The following CINP variants were observed in gnomAD, a reference collection of about 807,000 sequenced individuals.
CINP encodes cyclin-dependent kinase 2-interacting protein.
Under a neutral mutation model 20.5 loss-of-function variants are expected in CINP, and 11 were observed. The ratio of observed to expected loss-of-function variants is 0.54; its 90% CI spans 0.34 to 0.89. The LOEUF (loss-of-function observed/expected upper bound fraction) is 0.89, where lower values mean the gene tolerates loss of function less well. CINP is among the 40% of genes least tolerant of loss of function. The pLI is 0.02. For missense variants in CINP, 213 were observed against 251.0 expected, an observed-to-expected ratio of 0.85 and a Z score of 1.02; for synonymous variants, 108 against 102.1, an observed-to-expected ratio of 1.06 and a Z score of -0.35.
chr14:102,349,268 T>A (rs1597745773), intron 4 of CINP, among the ~76,000 whole-genome samples: 1 of 152,072 alleles, frequency 6.6e-6, no homozygotes. Context: ...AAAGTATATA[T>A]AACCTTTTCT....
chr14:102,362,099 C>T (rs1396434515), intron 1 of CINP, among the ~76,000 whole-genome samples: 1 of 152,184 alleles, frequency 6.6e-6, no homozygotes, highest in African/African-American at 2.4e-5. Flanking sequence ...GCTCTTACCA[C>T]CTGTTCTATA....
rs530823950 is a variant in CINP at position 102,348,755 on chromosome 14, C to T, written c.441G>A (p.Glu147=). ...ACATCTCCAAGAGCTTATGCGAAACCTCATCTGAAAGAAACGTGAATCTCC... is the reference window on the plus strand; with the variant it reads ...ACATCTCCAAGAGCTTATGCGAAACTTCATCTGAAAGAAACGTGAATCTCC... ...FHTWPTTHFY[E]VSHKLLEMYR... The change falls in exon 5 of 5, where the codon GAG becomes GAA. Residue 147 remains glutamate, a synonymous_variant. Coordinates refer to ENST00000216756, the MANE Select transcript of CINP (RefSeq NM_032630.3). 6.2e-7 allele frequency: 1 copy of T among 1,613,098 alleles called. No individual in the cohort carries two copies. The highest frequency in any genetic ancestry group is 8.5e-7 in the Non-Finnish European group (1 of 1,179,532).
chr14:102,351,852 T>C lies in CINP; in HGVS notation c.307-1804A>G, dbSNP rs1281822744. 1.3e-5 allele frequency among the ~76,000 whole-genome samples: 2 copies of C among 152,174 alleles called. No individual in the cohort carries two copies. Among genetic ancestry groups the C allele is most frequent in the East Asian group, 1.9e-4 (1 of 5,196 alleles). On this transcript the variant is annotated intron_variant, in intron 3 of 4. Coordinates refer to ENST00000216756, the MANE Select transcript of CINP (RefSeq NM_032630.3). The surrounding 1 kb of genome is among the most constrained non-coding windows in gnomAD (Gnocchi z 4.2). ...AGGATGAGGCCAGAACTCGATACCA[T>C]GCCTTCTGACACCAAGTTTTTTTGT...
chr14:102,348,567 C>T lies in CINP; in HGVS notation c.629G>A (p.Arg210Gln), dbSNP rs377018111. The T allele has an allele frequency of 2.7e-5, 43 of 1,610,214 alleles. No homozygotes were observed. The highest frequency in any genetic ancestry group is 1.9e-4 in the Middle Eastern group (1 of 5,284). Residue 210 changes from arginine (R) to glutamine (Q), a missense_variant, in exon 5 of 5, where the codon CGA (arginine) becomes CAA (glutamine). Transcript: ENST00000216756. ...AGCCGTCTCAGGACGTCAGAGAGCTCGGTGGCCTGTCTCCAGCAGCATGCT... is the reference window on the plus strand; with the variant it reads ...AGCCGTCTCAGGACGTCAGAGAGCTTGGTGGCCTGTCTCCAGCAGCATGCT... ...LESMLLETGH[R>Q]AL
intron 3 of CINP, among the ~76,000 whole-genome samples, chr14:102,354,044 A>G (rs555588734): frequency 6.6e-6 from 1 of 152,374 alleles, no homozygotes; most frequent in South Asian, 2.1e-4. Flanking sequence ...AGCTGTGATC[A>G]TACTACTGCA....
intron 3 of CINP, among the ~76,000 whole-genome samples, chr14:102,350,808 CTTTTTTTTTT>C (rs58210806): frequency 7.8e-6 from 1 of 127,868 alleles, no homozygotes; most frequent in African/African-American, 2.8e-5. Flanking sequence ...CTCTCTCTCT[CTTTTTTTTTT>C]TTTTTTTTGA....
chr14:102,349,784 G>A (rs1886824596), intron 4 of CINP, 135 bp downstream of exon 4: 1 of 1,060,226 alleles, frequency 9.4e-7, no homozygotes, highest in Non-Finnish European at 1.4e-6. Flanking sequence ...AGATGCCTCT[G>A]TCTCCTTTCC....
At chr14:102,353,521 A>G (rs1886921475) in intron 3 of CINP, among the ~76,000 whole-genome samples, 1 of 152,144 alleles carries the variant, frequency 6.6e-6, no homozygotes, top group South Asian at 2.1e-4. Context: ...TCCTGATGAC[A>G]GTATATCCAG....
chr14:102,354,014 AG>A (rs1365671299), intron 3 of CINP, among the ~76,000 whole-genome samples: 1 of 152,228 alleles, frequency 6.6e-6, no homozygotes, highest in Non-Finnish European at 1.5e-5. Context: ...ACTTAAGCCC[AG>A]GAAGTAAAGG....
At position 102,359,435 on chromosome 14, in the gene CINP, A is replaced by C; in HGVS notation, c.160T>G (p.Leu54Val). The part of the protein sequence containing the change: ...GFTTANNIAN[L>V]KISLLNKDKI... ...TGTACTTACAATAAACTGATTTTCA[A>C]GTTGGCAATATTATTTGCAGTGGTA... Residue 54 changes from leucine to valine, a missense_variant, in exon 2 of 5, where the codon TTG becomes GTG. Physicochemically the swap from Leu to Val is conservative, Grantham distance 32 (BLOSUM62 1). Coordinates refer to ENST00000216756, the MANE Select transcript of CINP (RefSeq NM_032630.3). 2 of 1,600,356 alleles carry C rather than the reference A, an allele frequency of 1.2e-6. No individual in the cohort carries two copies. Among genetic ancestry groups the C allele is most frequent in the Non-Finnish European group, 1.7e-6 (2 of 1,173,022 alleles).
At chr14:102,356,781 T>C (rs762427983) in intron 2 of CINP, among the ~76,000 whole-genome samples, 3 of 152,176 alleles carry the variant, frequency 2.0e-5, no homozygotes, top group Non-Finnish European at 4.4e-5. Context: ...TTTAATTGTT[T>C]TGAGGTGCCA....
intron 2 of CINP, among the ~76,000 whole-genome samples, chr14:102,358,505 ACT>A (rs1469025530): frequency 6.6e-6 from 1 of 152,068 alleles, no homozygotes; most frequent in Admixed American, 6.6e-5. Flanking sequence ...ACATGGTGAA[ACT>A]CTGTCTCTAC....
At chr14:102,361,381 T>C (rs1252854033) in intron 1 of CINP, among the ~76,000 whole-genome samples, 1 of 152,230 alleles carries the variant, frequency 6.6e-6, no homozygotes, top group African/African-American at 2.4e-5. Context: ...GGCTCACGCC[T>C]GTAATCCCAG....
intron 3 of CINP, among the ~76,000 whole-genome samples, chr14:102,350,355 G>C (rs1268741433): frequency 6.6e-6 from 1 of 151,284 alleles, no homozygotes; most frequent in African/African-American, 2.4e-5. Context: ...CAAAGACCTG[G>C]AGGAATCCCA....
rs774168099 is a variant in CINP, at chr14:102,348,667, C to G, written c.529G>C (p.Asp177His). Reference sequence around the variant, plus strand: ...ATGGACAGGTAGCTCAGGGTGAGGTCGGGATCCCCGGTGTGGGCAAGCTCC... The same window carrying G: ...ATGGACAGGTAGCTCAGGGTGAGGTGGGGATCCCCGGTGTGGGCAAGCTCC... ...AKELAHTGDP[D>H]LTLSYLSMWL... is the part of the protein sequence containing the mutation. The change falls in exon 5 of 5, where the codon GAC becomes CAC. Residue 177 changes from aspartate to histidine, a missense_variant. By Grantham distance (81) the Asp-to-His change is moderately conservative (BLOSUM62 -1). Transcript: ENST00000216756. 1 of 1,613,990 alleles carries G rather than the reference C, an allele frequency of 6.2e-7. No individual in the cohort carries two copies. The highest frequency in any genetic ancestry group is 1.7e-5 in the Admixed American group (1 of 59,992).
chr14:102,355,001 G>T (rs549383771), intron 3 of CINP, among the ~76,000 whole-genome samples: 1 of 151,618 alleles, frequency 6.6e-6, no homozygotes, highest in Non-Finnish European at 1.5e-5. Context: ...CCTGGGAGGC[G>T]GAGTTTGCAG....
rs889439487 is a variant in CINP, at chr14:102,351,071, A to G, written c.307-1023T>C. 6.6e-6 allele frequency among the ~76,000 whole-genome samples: 1 copy of G among 151,512 alleles called. No homozygotes were observed. The highest frequency in any genetic ancestry group is 6.6e-5 in the Admixed American group (1 of 15,224). The stretch of plus-strand genomic sequence containing the variant: ...GATCTCCTGAACTCGTGATCCGCCC[A>G]CCTCGGCCGCCCAAAGTGCTGGGAT... On this transcript the variant is annotated intron_variant, in intron 3 of 4. Coordinates refer to ENST00000216756, the MANE Select transcript of CINP (RefSeq NM_032630.3). This position sits in a 1 kb window ranked among gnomAD's most constrained non-coding sequence, Gnocchi z 4.2.
chr14:102,359,012 C>T (rs181908737), intron 2 of CINP, among the ~76,000 whole-genome samples: 2 of 151,898 alleles, frequency 1.3e-5, no homozygotes, highest in Admixed American at 1.3e-4. Flanking sequence ...CGAGACCAGC[C>T]TAACATGGTG....
chr14:102,357,251 G>A (rs561426225), intron 2 of CINP, among the ~76,000 whole-genome samples: 2 of 152,088 alleles, frequency 1.3e-5, no homozygotes, highest in South Asian at 4.2e-4. Context: ...GCGTGGCGGT[G>A]TGCACCTGTA....
Sources: allele counts gnomAD v4.1 joint callset (sites outside exome capture counted in the v4.1 genomes callset), GRCh38; gene constraint gnomAD v4.1.1; non-coding constraint Gnocchi (gnomAD v3.1); transcripts MANE v1.5; gene names NCBI Gene and HGNC (gene_info 2026-07-23, HGNC 2026-07-21).